Variants in ZFC3H1 observed in about 807,000 individuals in gnomAD.
The protein encoded by ZFC3H1 is zinc finger C3H1 domain-containing protein.
A neutral mutation model predicts 243.7 loss-of-function variants in ZFC3H1; 71 were observed. The ratio of observed to expected loss-of-function variants is 0.29; its 90% CI spans 0.24 to 0.36. The LOEUF is 0.36. ZFC3H1 is among the 10% of genes least tolerant of loss of function. The pLI is 1.00. For missense variants in ZFC3H1, 1,966 were observed against 2,317.1 expected, an observed-to-expected ratio of 0.85 and a Z score of 3.11; for synonymous variants, 838 against 813.0, an observed-to-expected ratio of 1.03 and a Z score of -0.52.
At chr12:71,642,751 CAG>C (rs1592597413) in intron 5 of ZFC3H1, among the ~76,000 whole-genome samples, 192 bp from the exon 6 acceptor site, 1 of 152,126 alleles carries the variant, frequency 6.6e-6, no homozygotes, top group East Asian at 1.9e-4. Context: ...ACTGTATAAT[CAG>C]ATAGAAAATG....
At position 71,646,439 on chromosome 12, in the gene ZFC3H1, CT is replaced by C. The variant is rs1880732128; in HGVS notation, c.1080+1309del. Among the ~76,000 whole-genome samples the C allele has an allele frequency of 3.3e-5, 5 of 152,312 alleles. No individual in the cohort carries two copies. The South Asian group carries it at 1.0e-3, about 32-fold the overall frequency. On this transcript the variant is annotated intron_variant, in intron 3 of 34. Coordinates refer to ENST00000378743, the MANE Select transcript of ZFC3H1 (RefSeq NM_144982.5). ...ATTTGTACCTAAGCCACACTAATCA[CT>C]TTTCAAGTTCTTCATAGCCACATGT... is the stretch of plus-strand genomic sequence containing the variant.
chr12:71,622,562 A>C (rs952948026), intron 24 of ZFC3H1, among the ~76,000 whole-genome samples: 10 of 152,110 alleles, frequency 6.6e-5, no homozygotes, highest in Non-Finnish European at 1.0e-4. Context: ...TCCTGGGCTC[A>C]AGCGATTCTC....
chr12:71,663,631 C>G lies in ZFC3H1; in HGVS notation c.-21G>C, dbSNP rs749742428. On this transcript the variant is annotated 5_prime_UTR_variant, in exon 1 of 35. Coordinates refer to ENST00000378743, the MANE Select transcript of ZFC3H1 (RefSeq NM_144982.5). ...GCCATCCGGGGAGCAGCGCCTTCCA[C>G]ACAACCTTAGCCCTCCGTCCGGGGA... 6.2e-7 allele frequency: 1 copy of G among 1,601,388 alleles called. No individual in the cohort carries two copies. Among genetic ancestry groups the G allele is most frequent in the African/African-American group, 1.3e-5 (1 of 75,006 alleles).
At position 71,637,062 on chromosome 12, in the gene ZFC3H1, A is replaced by G. The variant is rs184191016; in HGVS notation, c.1726-3T>C. The G allele has an allele frequency of 1.0e-5, 16 of 1,599,468 alleles. No individual in the cohort carries two copies. The African/African-American group carries it at 1.2e-4, about 12-fold the overall frequency. On this transcript the variant is annotated splice_region_variant and splice_polypyrimidine_tract_variant and intron_variant, in intron 7 of 34. Transcript: ENST00000378743. ...GGCTGGCTCAAAGGTGGCAGAGACTATTTTTTAAAAAAAGAAAGAATTACA... is the reference window on the plus strand; with the variant it reads ...GGCTGGCTCAAAGGTGGCAGAGACTGTTTTTTAAAAAAAGAAAGAATTACA...
intron 6 of ZFC3H1, among the ~76,000 whole-genome samples, chr12:71,640,700 G>A (rs987228658): frequency 1.3e-5 from 2 of 152,172 alleles, no homozygotes; most frequent in African/African-American, 4.8e-5. Flanking sequence ...CAGCTGGCCA[G>A]GGGCAGCTGC....
chr12:71,617,535 C>G (rs1381467864), intron 27 of ZFC3H1, among the ~76,000 whole-genome samples: 4 of 152,150 alleles, frequency 2.6e-5, no homozygotes, highest in Non-Finnish European at 5.9e-5. Flanking sequence ...ATCTGAAGAT[C>G]TTTCATTAGT....
At chr12:71,661,099 C>T (rs1440572169) in intron 1 of ZFC3H1, among the ~76,000 whole-genome samples, 4 of 151,916 alleles carry the variant, frequency 2.6e-5, no homozygotes, top group Non-Finnish European at 4.4e-5. Context: ...GTCAGGAGAT[C>T]GAGACCATCC....
Position 71,636,872 on chromosome 12 carries a change from T to A in ZFC3H1, c.1913A>T (p.Asn638Ile). The A allele has an allele frequency of 6.2e-7, 1 of 1,613,982 alleles. No homozygotes were observed. Among genetic ancestry groups the A allele is most frequent in the Non-Finnish European group, 8.5e-7 (1 of 1,179,944 alleles). The stretch of plus-strand genomic sequence containing the variant: ...TACCTCTGGCTTAAAAGCTCTTTTA[T>A]TTGCTAGAGATTTAAGTAGTTCTTC... ...LREELLKSLA[N>I]KRAFKPEETS... The change falls in exon 8 of 35, where the codon AAT (asparagine) becomes ATT (isoleucine). Residue 638 changes from asparagine (N) to isoleucine (I), a missense_variant. Transcript: ENST00000378743.
At chr12:71,623,179 C>T (rs1009955501) in intron 24 of ZFC3H1, among the ~76,000 whole-genome samples, 181 bp downstream of exon 24, 13 of 152,114 alleles carry the variant, frequency 8.5e-5, no homozygotes, top group African/African-American at 2.9e-4. Context: ...TCAAAGATGC[C>T]AGTGTCCATC....
At chr12:71,640,047 G>C (rs1425123348) in intron 6 of ZFC3H1, among the ~76,000 whole-genome samples, 1 of 152,126 alleles carries the variant, frequency 6.6e-6, no homozygotes, top group Non-Finnish European at 1.5e-5. Context: ...TTTTGAGACA[G>C]AGTGTCGCTC....
At chr12:71,613,004 T>G (rs1331838574) in intron 31 of ZFC3H1, among the ~76,000 whole-genome samples, 1 of 152,176 alleles carries the variant, frequency 6.6e-6, no homozygotes, top group Non-Finnish European at 1.5e-5. Context: ...ACATCTTAAA[T>G]AATATTCCCT....
intron 11 of ZFC3H1, 130 bp downstream of exon 11, chr12:71,634,574 G>A (rs1266053330): frequency 6.2e-6 from 7 of 1,137,658 alleles, no homozygotes; most frequent in African/African-American, 1.6e-5. Context: ...TTCTGTGTGA[G>A]TTATAAAACA....
chr12:71,635,611 T>C, intron 9 of ZFC3H1, 31 bp from the exon 10 acceptor site: 2 of 1,505,626 alleles, frequency 1.3e-6, no homozygotes, highest in Non-Finnish European at 1.8e-6. Context: ...TTACTCGTGA[T>C]AACAAAAGGA....
chr12:71,663,064 C>A lies in ZFC3H1; in HGVS notation c.547G>T (p.Gly183Trp). Reference protein sequence around the residue: ...RPPLGGGAGSGFSSSQSWREP... With the variant: ...RPPLGGGAGSWFSSSQSWREP... ...CGCCAGCTCTGACTGCTGCTGAACC[C>A]GGATCCTGCTCCTCCTCCCAGAGGA... The change falls in exon 1 of 35, where the codon GGG (glycine) becomes TGG (tryptophan). Residue 183 changes from glycine (G) to tryptophan (W), a missense_variant. Gly to Trp is a radical substitution (Grantham distance 184). This residue lies in a region of ZFC3H1 where 484 missense variants were observed against 449.7 expected (regional missense o/e 1.08). Transcript: ENST00000378743. The A allele has an allele frequency of 6.2e-7, 1 of 1,613,520 alleles. No individual in the cohort carries two copies. Among genetic ancestry groups the A allele is most frequent in the East Asian group, 2.2e-5 (1 of 44,864 alleles).
intron 1 of ZFC3H1, among the ~76,000 whole-genome samples, chr12:71,659,463 GC>G (rs989587510): frequency 2.6e-5 from 4 of 151,950 alleles, no homozygotes. Context: ...CCTCTGTGAA[GC>G]CTGAGTTTCT....
intron 22 of ZFC3H1, among the ~76,000 whole-genome samples, chr12:71,625,065 C>G (rs537815038): frequency 1.3e-5 from 2 of 152,302 alleles, no homozygotes; most frequent in African/African-American, 4.8e-5. Flanking sequence ...ATATTCCACA[C>G]CCTATAAAAT....
intron 4 of ZFC3H1, 38 bp from the exon 5 acceptor site, chr12:71,644,356 G>T: frequency 1.3e-6 from 2 of 1,569,406 alleles, no homozygotes; most frequent in Non-Finnish European, 1.7e-6. Context: ...GCATCTGTTA[G>T]GAGATAAAAG....
At position 71,650,580 on chromosome 12, in the gene ZFC3H1, C is replaced by T. The variant is rs145819407; in HGVS notation, c.1016-2767G>A. 1.6e-3 allele frequency among the ~76,000 whole-genome samples: 248 copies of T among 152,204 alleles called. No individual in the cohort carries two copies. In the East Asian group the frequency reaches 0.032, roughly 19 times the overall value. On this transcript the variant is annotated intron_variant, in intron 2 of 34. Transcript: ENST00000378743. ...ATGAGAATATCCCTAGAAAATGGGA[C>T]ACTGAGGACATGACGAATTAAGAAA...
intron 27 of ZFC3H1, among the ~76,000 whole-genome samples, 192 bp from the exon 28 acceptor site, chr12:71,615,508 CT>C (rs745421014): frequency 6.6e-6 from 1 of 151,838 alleles, no homozygotes; most frequent in South Asian, 2.1e-4. Flanking sequence ...ACTCAAAATG[CT>C]TTTTTTTGTT....
Sources: allele counts gnomAD v4.1 joint callset (sites outside exome capture counted in the v4.1 genomes callset), GRCh38; gene constraint gnomAD v4.1.1; regional missense constraint gnomAD v4.1.1; transcripts MANE v1.5; gene names NCBI Gene and HGNC (gene_info 2026-07-23, HGNC 2026-07-21).